The following CDH15 variants were observed in gnomAD, a reference collection of about 807,000 sequenced individuals.
The protein encoded by CDH15 is cadherin 15.
Under a neutral mutation model 69.4 loss-of-function variants are expected in CDH15, and 73 were observed. That is an observed-to-expected ratio of 1.05 (90% CI 0.87 to 1.28). CDH15 has a LOEUF of 1.28. CDH15 is among the 50% of genes most tolerant of loss of function. CDH15 has a pLI of 0.00. For missense variants in CDH15, 1,343 were observed against 1,133.6 expected, an observed-to-expected ratio of 1.18 and a Z score of -2.65; for synonymous variants, 624 against 507.7, an observed-to-expected ratio of 1.23 and a Z score of -3.08.
chr16:89,192,437 G>A lies in CDH15; in HGVS notation c.1848G>A (p.Leu616=). Residue 616 remains leucine (L), a synonymous_variant, in exon 11 of 14, where the codon CTG becomes CTA. Transcript: ENST00000289746. ...ALVIVLASAL[L]LLVLVLLVAL... The stretch of plus-strand genomic sequence containing the variant: ...TCATCGTGCTGGCCAGCGCCCTCCT[G>A]CTGCTGGGTGAGTGAGCGCCCCGCC... 1 of 1,559,212 alleles carries A rather than the reference G, an allele frequency of 6.4e-7. No homozygotes were observed. The highest frequency in any genetic ancestry group is 8.6e-7 in the Non-Finnish European group (1 of 1,159,956).
At chr16:89,182,076 C>T (rs1460322358) in intron 3 of CDH15, among the ~76,000 whole-genome samples, 1 of 139,160 alleles carries the variant, frequency 7.2e-6, no homozygotes, top group East Asian at 2.1e-4. Context: ...TCCCTTCAGG[C>T]GCCTGCCCTC....
At position 89,192,303 on chromosome 16, in the gene CDH15, G is replaced by C; in HGVS notation, c.1714G>C (p.Glu572Gln). The C allele has an allele frequency of 6.5e-7, 1 of 1,533,530 alleles. No individual in the cohort carries two copies. Among genetic ancestry groups the C allele is most frequent in the Non-Finnish European group, 8.7e-7 (1 of 1,146,456 alleles). The allele number at this position is 1,533,530 out of a possible 1,614,324, so 95.0% of individuals were successfully genotyped here. ...CTCGGGGCAGCCGCCCCAGCAGCGC[G>C]AGCAGCCTCTGAACGTGACCGTGTG... ...RDSGQPPQQR[E>Q]QPLNVTVCRC... The change falls in exon 11 of 14, where the codon GAG becomes CAG. Residue 572 changes from glutamate to glutamine, a missense_variant. Transcript: ENST00000289746.
At chr16:89,172,682 A>T (rs1320456558) in intron 1 of CDH15, among the ~76,000 whole-genome samples, 2 of 152,172 alleles carry the variant, frequency 1.3e-5, no homozygotes, top group East Asian at 3.8e-4. Context: ...GGTACTGCCT[A>T]GCTGGAGCCA....
At chr16:89,190,735 C>A (rs887923817) in intron 8 of CDH15, among the ~76,000 whole-genome samples, 8 of 152,080 alleles carry the variant, frequency 5.3e-5, no homozygotes, top group Admixed American at 2.0e-4. Context: ...CCCTGCCAGC[C>A]GTGTCCATCC....
intron 6 of CDH15, among the ~76,000 whole-genome samples, 180 bp downstream of exon 6, chr16:89,187,737 G>A (rs1915522570): frequency 6.6e-6 from 1 of 152,216 alleles, no homozygotes; most frequent in East Asian, 1.9e-4. Flanking sequence ...CTGCGTGGCA[G>A]TGTGTGAATG....
rs759863117 is a variant in CDH15 at position 89,183,536 on chromosome 16, A to G, written c.358-12A>G. 2.5e-6 allele frequency: 4 copies of G among 1,613,940 alleles called. No homozygotes were observed. Among genetic ancestry groups the G allele is most frequent in the East Asian group, 2.2e-5 (1 of 44,900 alleles). On this transcript the variant is annotated splice_polypyrimidine_tract_variant and intron_variant, in intron 3 of 13. Transcript: ENST00000289746. ...GGGCCACAGAGCCAGCCCTTGCTCT[A>G]TGTTTGAACAGCTAAGAGCGTTTGC...
At position 89,188,181 on chromosome 16, in the gene CDH15, C is replaced by T. The variant is rs202041831; in HGVS notation, c.874C>T (p.Pro292Ser). The change falls in exon 7 of 14, where the codon CCA becomes TCA. Residue 292 changes from proline to serine, a missense_variant. Physicochemically the swap from Pro to Ser is moderately conservative, Grantham distance 74. Coordinates refer to ENST00000289746, the MANE Select transcript of CDH15 (RefSeq NM_004933.3). ...EVEDRDLPGS[P>S]NWVARFTILE... ...GGAGGACAGGGACCTGCCAGGCTCC[C>T]CAAACTGGGTGGCCAGGTTCACCAT... 1 of 1,613,398 alleles carries T rather than the reference C, an allele frequency of 6.2e-7. No homozygotes were observed. Among genetic ancestry groups the T allele is most frequent in the East Asian group, 2.2e-5 (1 of 44,860 alleles).
chr16:89,191,526 C>A, intron 9 of CDH15, 54 bp downstream of exon 9: 1 of 1,602,288 alleles, frequency 6.2e-7, no homozygotes, highest in South Asian at 1.1e-5. Flanking sequence ...CCCGGCTGAG[C>A]ACCCCTGCCA....
Position 89,193,761 on chromosome 16 carries a change from T to C in CDH15, c.1999T>C (p.Tyr667His). 1 of 1,603,822 alleles carries C rather than the reference T, an allele frequency of 6.2e-7. No homozygotes were observed. Among genetic ancestry groups the C allele is most frequent in the Non-Finnish European group, 8.5e-7 (1 of 1,178,880 alleles). ...TCCACCTCCTCGCCCACAGGACGCC[T>C]ACGACATCAGCCAGCTGCGTCACCC... Reference protein sequence around the residue: ...QGGGEEDQDAYDISQLRHPTA... With the variant: ...QGGGEEDQDAHDISQLRHPTA... Residue 667 changes from tyrosine to histidine, a missense_variant, in exon 13 of 14, where the codon TAC becomes CAC. By Grantham distance (83) the Tyr-to-His change is moderately conservative. Coordinates refer to ENST00000289746, the MANE Select transcript of CDH15 (RefSeq NM_004933.3).
chr16:89,176,291 G>C (rs1259752381), intron 1 of CDH15, among the ~76,000 whole-genome samples: 1 of 152,232 alleles, frequency 6.6e-6, no homozygotes, highest in African/African-American at 2.4e-5. Flanking sequence ...TGGAGGGTGA[G>C]GCATTGGCAC....
At chr16:89,178,811 G>A (rs940955306) in intron 1 of CDH15, among the ~76,000 whole-genome samples, 7 of 152,234 alleles carry the variant, frequency 4.6e-5, no homozygotes, top group Non-Finnish European at 8.8e-5. Flanking sequence ...AGCCTGGAGA[G>A]GTGGAGGGGG....
chr16:89,180,682 T>A (rs1320812158), intron 3 of CDH15, among the ~76,000 whole-genome samples: 1 of 152,268 alleles, frequency 6.6e-6, no homozygotes, highest in East Asian at 1.9e-4. Context: ...CCACTGGTCC[T>A]GGGAGCTCAG....
chr16:89,180,741 T>A (rs1915357123), intron 3 of CDH15, among the ~76,000 whole-genome samples: 1 of 152,150 alleles, frequency 6.6e-6, no homozygotes, highest in Non-Finnish European at 1.5e-5. Context: ...TTTTTGTTTT[T>A]GAGATGGAGT....
intron 3 of CDH15, among the ~76,000 whole-genome samples, chr16:89,182,456 C>T (rs2151600095): frequency 1.3e-5 from 2 of 150,888 alleles, no homozygotes; most frequent in Admixed American, 6.6e-5. Context: ...GTCTGGCCAA[C>T]ATGGCAAAAC....
intron 1 of CDH15, among the ~76,000 whole-genome samples, chr16:89,174,101 A>G (rs1567769430): frequency 6.6e-6 from 1 of 152,200 alleles, no homozygotes; most frequent in East Asian, 1.9e-4. Flanking sequence ...CAGTGGAAGG[A>G]CAGCCCCAGA....
At chr16:89,192,160 G>C in intron 10 of CDH15, 45 bp from the exon 11 acceptor site, 1 of 1,486,420 alleles carries the variant, frequency 6.7e-7, no homozygotes, top group Non-Finnish European at 8.9e-7. Flanking sequence ...GGCGAAGTGG[G>C]GGCGGCCTCG....
chr16:89,185,159 C>A lies in CDH15; in HGVS notation c.503-14C>A, dbSNP rs1412937387. The A allele has an allele frequency of 6.3e-7, 1 of 1,586,594 alleles. No homozygotes were observed. The highest frequency in any genetic ancestry group is 1.7e-5 in the Admixed American group (1 of 57,410). On this transcript the variant is annotated splice_polypyrimidine_tract_variant and intron_variant, in intron 4 of 13. Coordinates refer to ENST00000289746, the MANE Select transcript of CDH15 (RefSeq NM_004933.3). ...CTGTGGACGTTGGCCCTCACGCCTC[C>A]CTGTGCTTCCCAGGCACCTATGTGA...
intron 5 of CDH15, chr16:89,185,558 T>A: frequency 1.6e-6 from 1 of 615,934 alleles, no homozygotes; most frequent in Non-Finnish European, 2.9e-6. Context: ...AAGTAGGGCG[T>A]GAGGGGCCCG....
In CDH15 at chr16:89,183,758, T is replaced by A. The variant is rs1465347082; in HGVS notation, c.502+66T>A. 4 of 1,495,358 alleles carry A rather than the reference T, an allele frequency of 2.7e-6. No homozygotes were observed. In the African/African-American group the frequency reaches 5.6e-5, roughly 21 times the overall value. 92.6% of individuals were successfully genotyped at this position (1,495,358 alleles called of 1,614,324 possible). A position where few individuals can be genotyped will look rare whatever the true frequency, so the allele number is the denominator to read the frequency against. On this transcript the variant is annotated intron_variant, in intron 4 of 13. Transcript: ENST00000289746. ...GGAAGGGCTCTGTGAAGTCCAGGACTTCCCTTAAGCAAGAATTCCAGAGGC... is the reference window on the plus strand; with the variant it reads ...GGAAGGGCTCTGTGAAGTCCAGGACATCCCTTAAGCAAGAATTCCAGAGGC...
Sources: allele counts gnomAD v4.1 joint callset (sites outside exome capture counted in the v4.1 genomes callset), GRCh38; gene constraint gnomAD v4.1.1; transcripts MANE v1.5; gene names NCBI Gene and HGNC (gene_info 2026-07-23, HGNC 2026-07-21).